Variants in CHST9 observed in about 807,000 individuals in gnomAD.
CHST9 encodes the protein carbohydrate sulfotransferase 9.
A neutral mutation model predicts 44.4 loss-of-function variants in CHST9; 41 were observed. That is an observed-to-expected ratio of 0.92 (90% CI 0.72 to 1.20). CHST9 has a LOEUF of 1.20. Among genes scored for constraint, CHST9 ranks in the 50% most tolerant of loss-of-function variants. CHST9 has a pLI of 0.00. For missense variants in CHST9, 504 were observed against 516.5 expected, an observed-to-expected ratio of 0.98 and a Z score of 0.23; for synonymous variants, 171 against 178.4, an observed-to-expected ratio of 0.96 and a Z score of 0.33.
chr18:26,952,501 G>C, intron 4 of CHST9: 1 of 458,396 alleles, frequency 2.2e-6, no homozygotes, highest in Non-Finnish European at 4.2e-6. Flanking sequence ...AAACCCTGGA[G>C]GACCAGTCCA....
chr18:27,164,683 A>G (rs2058776449), intron 1 of CHST9, among the ~76,000 whole-genome samples: 1 of 152,242 alleles, frequency 6.6e-6, no homozygotes, highest in South Asian at 2.1e-4. Context: ...ATTTCAGAAC[A>G]CTGGTAATAA....
chr18:26,988,000 T>C (rs754683702), intron 4 of CHST9, among the ~76,000 whole-genome samples: 1 of 151,886 alleles, frequency 6.6e-6, no homozygotes, highest in African/African-American at 2.4e-5. Context: ...TGGACTAAAA[T>C]AAAATAACTG....
intron 2 of CHST9, among the ~76,000 whole-genome samples, chr18:27,087,408 G>A (rs111941002): frequency 1.9e-4 from 29 of 152,200 alleles, no homozygotes; most frequent in African/African-American, 4.8e-4. Flanking sequence ...GAGCTTCTTC[G>A]CCCTTTTATT....
At chr18:27,173,428 C>A (rs2058846927) in intron 1 of CHST9, among the ~76,000 whole-genome samples, 1 of 151,862 alleles carries the variant, frequency 6.6e-6, no homozygotes, top group Admixed American at 6.6e-5. Context: ...GTTTTGTAGG[C>A]GAGCACCAAT....
At chr18:26,932,663 A>T (rs1285927172) in intron 5 of CHST9, among the ~76,000 whole-genome samples, 1 of 152,146 alleles carries the variant, frequency 6.6e-6, no homozygotes, top group Admixed American at 6.5e-5. Context: ...TGCCATCTCC[A>T]TGGTGATTTC....
intron 5 of CHST9, among the ~76,000 whole-genome samples, chr18:26,922,316 AGTG>A (rs2055672432): frequency 6.6e-6 from 1 of 152,228 alleles, no homozygotes; most frequent in South Asian, 2.1e-4. Context: ...CCAGGTCTCC[AGTG>A]AGTGATTCTA....
At chr18:27,007,181 C>T (rs1448110944) in intron 4 of CHST9, among the ~76,000 whole-genome samples, 1 of 152,136 alleles carries the variant, frequency 6.6e-6, no homozygotes, top group Admixed American at 6.5e-5. Context: ...CTTAAGTATC[C>T]CTTTCAATTA....
intron 2 of CHST9, among the ~76,000 whole-genome samples, chr18:27,117,566 C>A (rs2058338032): frequency 6.6e-6 from 1 of 152,186 alleles, no homozygotes; most frequent in Non-Finnish European, 1.5e-5. Context: ...TCTCCCCTAA[C>A]CCTGGCAACC....
At chr18:27,163,260 AG>A (rs1031429669) in intron 1 of CHST9, among the ~76,000 whole-genome samples, 83 of 152,324 alleles carry the variant, frequency 5.4e-4, no homozygotes, top group African/African-American at 1.9e-3. Context: ...CTCAGGGGTC[AG>A]GGACCCACTT....
chr18:27,076,729 G>T (rs2057908195), intron 2 of CHST9, among the ~76,000 whole-genome samples: 1 of 152,148 alleles, frequency 6.6e-6, no homozygotes, highest in Non-Finnish European at 1.5e-5. Flanking sequence ...AATCCTCTGT[G>T]TAAGCTTTGA....
intron 3 of CHST9, among the ~76,000 whole-genome samples, chr18:27,027,715 C>T (rs760257073): frequency 7.2e-5 from 11 of 152,036 alleles, no homozygotes; most frequent in Admixed American, 2.0e-4. Context: ...AGAATATAGC[C>T]ACATATTTCC....
chr18:26,925,358 G>GATA (rs2055746757), intron 5 of CHST9, among the ~76,000 whole-genome samples: 1 of 151,916 alleles, frequency 6.6e-6, no homozygotes, highest in Non-Finnish European at 1.5e-5. Context: ...AAGAGTAGAT[G>GATA]CAGATAAGCT....
intron 4 of CHST9, among the ~76,000 whole-genome samples, chr18:27,020,084 G>A (rs1371946413): frequency 6.6e-6 from 1 of 152,206 alleles, no homozygotes; most frequent in Non-Finnish European, 1.5e-5. Context: ...GGGCACTGGC[G>A]GGGGTGGGTG....
At chr18:27,087,684 G>A (rs928844951) in intron 2 of CHST9, among the ~76,000 whole-genome samples, 4 of 152,172 alleles carry the variant, frequency 2.6e-5, no homozygotes, top group Non-Finnish European at 4.4e-5. Flanking sequence ...ATCCCACAAT[G>A]AATTGGGGGA....
rs116402294 is a variant in CHST9, at chr18:27,083,833, T to A, written c.122-35330A>T. On this transcript the variant is annotated intron_variant, in intron 2 of 5. Transcript: ENST00000618847. ...CTGGGTCTTGTTTAAAATATTTGTA[T>A]AACAGTTTAACATGAGGGAAAGTTG... 9.4e-3 allele frequency among the ~76,000 whole-genome samples: 1,427 copies of A among 152,150 alleles called. 18 individuals carry two copies. Among genetic ancestry groups the A allele is most frequent in the African/African-American group, 0.033 (1,368 of 41,540 alleles).
At position 26,916,153 on chromosome 18, in the gene CHST9, C is replaced by A. The variant is rs781374538; in HGVS notation, c.*106G>T. 9.8e-5 allele frequency: 90 copies of A among 918,542 alleles called. No individual in the cohort carries two copies. The highest frequency in any genetic ancestry group is 1.3e-4 in the Non-Finnish European group (78 of 605,916). The allele number at this position is 918,542 out of a possible 1,614,324, so 56.9% of individuals were successfully genotyped here. A position where few individuals can be genotyped will look rare whatever the true frequency, so the allele number is the denominator to read the frequency against. Reference sequence around the variant, plus strand: ...AAAAATCTACATTAAATCAAGACAACTGCACTTGGTTAAATTTCTGTCATA... The same window carrying A: ...AAAAATCTACATTAAATCAAGACAAATGCACTTGGTTAAATTTCTGTCATA... On this transcript the variant is annotated 3_prime_UTR_variant, in exon 6 of 6. Transcript: ENST00000618847.
In CHST9 at chr18:27,005,149, G is replaced by A. The variant is rs202064919; in HGVS notation, c.202+18967C>T. 1.1e-4 allele frequency among the ~76,000 whole-genome samples: 16 copies of A among 152,216 alleles called. No individual in the cohort carries two copies. The East Asian group carries it at 2.3e-3, about 22-fold the overall frequency. On this transcript the variant is annotated intron_variant, in intron 4 of 5. Transcript: ENST00000618847. ...GTTAAGGCTTAAATACTGATTTAGCGACTCGTGTGATATGGGCATATTATG... is the reference window on the plus strand; with the variant it reads ...GTTAAGGCTTAAATACTGATTTAGCAACTCGTGTGATATGGGCATATTATG...
chr18:27,018,139 C>T (rs1004542547), intron 4 of CHST9, among the ~76,000 whole-genome samples: 2 of 152,116 alleles, frequency 1.3e-5, no homozygotes, highest in Admixed American at 6.6e-5. Flanking sequence ...TCTCCATCAC[C>T]GCTGAATTAT....
intron 5 of CHST9, 118 bp downstream of exon 5, chr18:26,944,211 C>G: frequency 1.3e-6 from 1 of 770,382 alleles, no homozygotes; most frequent in Non-Finnish European, 2.2e-6. Context: ...GAACCAATAA[C>G]ATATATATTG....
Sources: gnomAD v4.1 joint callset for allele counts (sites outside exome capture counted in the v4.1 genomes callset) on GRCh38, gnomAD v4.1.1 for gene constraint, MANE v1.5 for transcripts, NCBI Gene and HGNC (gene_info 2026-07-23, HGNC 2026-07-21) for gene names.